The following NFKB1 variants were observed in gnomAD, a reference collection of about 807,000 sequenced individuals.
NFKB1 encodes the protein nuclear factor NF-kappa-B p105 subunit.
In NFKB1, 9 loss-of-function variants were observed where a neutral mutation model predicts 105.1. That is an observed-to-expected ratio of 0.09 (90% CI 0.05 to 0.15). The LOEUF is 0.15. Among genes scored for constraint, NFKB1 ranks in the 10% least tolerant of loss-of-function variants. The pLI, the probability that NFKB1 is intolerant of heterozygous loss-of-function variation, is 1.00. For missense variants in NFKB1, 830 were observed against 1,203.7 expected (o/e 0.69, Z 4.59); for synonymous variants, 440 against 442.2 (o/e 1.00, Z 0.06).
chr4:102,602,905 G>A (rs528763299), intron 16 of NFKB1, among the ~76,000 whole-genome samples: 3 of 152,268 alleles, frequency 2.0e-5, no homozygotes, highest in Admixed American at 1.3e-4. Context: ...GCAGACTTTT[G>A]GCTGATTGTT....
At chr4:102,559,876 T>C (rs1477767988) in intron 5 of NFKB1, among the ~76,000 whole-genome samples, 2 of 151,154 alleles carry the variant, frequency 1.3e-5, no homozygotes, top group South Asian at 2.1e-4. Flanking sequence ...AGGTTGAGTC[T>C]TCAGTGAGCC....
In NFKB1 at chr4:102,594,921, A is replaced by C; in HGVS notation, c.1240A>C (p.Thr414Pro). The C allele has an allele frequency of 1.2e-6, 2 of 1,611,564 alleles. No homozygotes were observed. The highest frequency in any genetic ancestry group is 1.7e-6 in the Non-Finnish European group (2 of 1,178,280). The change falls in exon 13 of 24, where the codon ACT (threonine) becomes CCT (proline). Residue 414 changes from threonine (T) to proline (P), a missense_variant. By Grantham distance (38) the Thr-to-Pro change is conservative. Around this residue, in one of 8 missense-constraint regions of NFKB1, gnomAD observed 163 missense variants for 164.3 expected, o/e 0.99. Coordinates refer to ENST00000226574, the MANE Select transcript of NFKB1 (RefSeq NM_003998.4). ...GYSFPHYGFP[T>P]YGGITFHPGT... The stretch of plus-strand genomic sequence containing the variant: ...TAGCTTCCCACACTATGGATTTCCT[A>C]CTTATGGTGGGATTACTTTCCATCC...
chr4:102,568,237 A>G (rs995307299), intron 6 of NFKB1, among the ~76,000 whole-genome samples: 2 of 152,080 alleles, frequency 1.3e-5, no homozygotes, highest in African/African-American at 2.4e-5. Flanking sequence ...TGAAAAACCT[A>G]GAGAGAGAGC....
intron 6 of NFKB1, among the ~76,000 whole-genome samples, chr4:102,569,517 C>G (rs1325807176): frequency 6.6e-6 from 1 of 152,040 alleles, no homozygotes; most frequent in East Asian, 1.9e-4. Context: ...AGGAAGATAG[C>G]CAAAATTATG....
intron 4 of NFKB1, among the ~76,000 whole-genome samples, chr4:102,535,601 A>C (rs1741582573): frequency 6.6e-6 from 1 of 152,162 alleles, no homozygotes; most frequent in Admixed American, 6.6e-5. Flanking sequence ...AGATGAGTGA[A>C]TGTGGATTAA....
chr4:102,518,275 C>T (rs1273124736), intron 1 of NFKB1, among the ~76,000 whole-genome samples: 1 of 152,126 alleles, frequency 6.6e-6, no homozygotes, highest in African/African-American at 2.4e-5. Context: ...CTGCTTAAAG[C>T]TAACAGTGAT....
intron 11 of NFKB1, among the ~76,000 whole-genome samples, chr4:102,590,459 G>A (rs921407010): frequency 1.3e-5 from 2 of 152,066 alleles, no homozygotes; most frequent in South Asian, 4.2e-4. Context: ...GTCTATTGGT[G>A]CCATTTTTCC....
intron 6 of NFKB1, among the ~76,000 whole-genome samples, chr4:102,570,242 CTGTT>C (rs1560682656): frequency 6.6e-6 from 1 of 152,054 alleles, no homozygotes; most frequent in Non-Finnish European, 1.5e-5. Context: ...TCTTCAGTGT[CTGTT>C]GTTCCCCTTT....
chr4:102,529,242 G>T (rs1741120960), intron 2 of NFKB1, among the ~76,000 whole-genome samples: 1 of 152,078 alleles, frequency 6.6e-6, no homozygotes, highest in Non-Finnish European at 1.5e-5. Flanking sequence ...TTTGTGTTAT[G>T]CTAGGAAACT....
At chr4:102,561,277 T>TGTG (rs1251118302) in intron 5 of NFKB1, among the ~76,000 whole-genome samples, 86 of 116,094 alleles carry the variant, frequency 7.4e-4, no homozygotes, top group Admixed American at 1.9e-3. Flanking sequence ...TTTTTTTTTT[T>TGTG]TTTTTGTGTG....
intron 19 of NFKB1, 33 bp downstream of exon 19, chr4:102,607,784 A>G: frequency 6.3e-7 from 1 of 1,599,372 alleles, no homozygotes; most frequent in Non-Finnish European, 8.6e-7. Flanking sequence ...ATTAATGAAA[A>G]ATGTTACCAG....
intron 11 of NFKB1, among the ~76,000 whole-genome samples, chr4:102,588,011 C>T (rs562305821): frequency 6.6e-6 from 1 of 152,214 alleles, no homozygotes; most frequent in Admixed American, 6.5e-5. Flanking sequence ...ATCTCATTGC[C>T]TAATTTTATG....
intron 6 of NFKB1, among the ~76,000 whole-genome samples, chr4:102,568,891 T>G (rs972284409): frequency 3.3e-5 from 5 of 152,134 alleles, no homozygotes; most frequent in African/African-American, 1.2e-4. Flanking sequence ...TTTGAGCATC[T>G]CAGCTCCTGA....
chr4:102,542,081 T>TAG (rs1019842882), intron 5 of NFKB1, among the ~76,000 whole-genome samples: 5 of 152,202 alleles, frequency 3.3e-5, no homozygotes, highest in Non-Finnish European at 5.9e-5. Context: ...CTGTATGGGT[T>TAG]ACTCTCTTAC....
chr4:102,578,569 G>C (rs1725054222), intron 7 of NFKB1: 1 of 423,130 alleles, frequency 2.4e-6, no homozygotes, highest in Non-Finnish European at 4.2e-6. Context: ...ATCACATCCT[G>C]TGTGCCTTTA....
chr4:102,543,167 G>A (rs921372022), intron 5 of NFKB1, among the ~76,000 whole-genome samples: 2 of 152,056 alleles, frequency 1.3e-5, no homozygotes, highest in Admixed American at 6.6e-5. Flanking sequence ...CGAAAGCCAC[G>A]CGTGAAGTTT....
chr4:102,540,862 G>T (rs1741955304), intron 5 of NFKB1, among the ~76,000 whole-genome samples: 2 of 152,002 alleles, frequency 1.3e-5, no homozygotes, highest in South Asian at 2.1e-4. Flanking sequence ...AGTTTACAAA[G>T]GAATTTTAAA....
intron 1 of NFKB1, among the ~76,000 whole-genome samples, chr4:102,507,354 A>C (rs575592243): frequency 6.6e-6 from 1 of 152,230 alleles, no homozygotes; most frequent in Non-Finnish European, 1.5e-5. Context: ...ACTTTGTTAT[A>C]ATCCTTACGC....
intron 5 of NFKB1, among the ~76,000 whole-genome samples, chr4:102,566,359 T>G (rs765324599): frequency 6.6e-6 from 1 of 152,212 alleles, no homozygotes; most frequent in Admixed American, 6.5e-5. Context: ...AGAAACTTAC[T>G]ATGACCTGAG....
Sources: allele counts gnomAD v4.1 joint callset (sites outside exome capture counted in the v4.1 genomes callset), GRCh38; gene constraint gnomAD v4.1.1; regional missense constraint gnomAD v4.1.1; transcripts MANE v1.5; gene names NCBI Gene and HGNC (gene_info 2026-07-23, HGNC 2026-07-21).